The following RIMS1 variants were observed in gnomAD, a reference collection of about 807,000 sequenced individuals.
RIMS1 encodes the protein regulating synaptic membrane exocytosis 1, also known as regulating synaptic membrane exocytosis protein 1.
In RIMS1, 83 loss-of-function variants were observed where a neutral mutation model predicts 214.1. The ratio of observed to expected loss-of-function variants is 0.39; its 90% CI spans 0.32 to 0.47. The LOEUF (loss-of-function observed/expected upper bound fraction) is 0.47, where lower values mean the gene tolerates loss of function less well. Among genes scored for constraint, RIMS1 ranks in the 20% least tolerant of loss-of-function variants. The pLI is 0.99. For synonymous variants in RIMS1, 793 were observed against 786.8 expected, an observed-to-expected ratio of 1.01 and a Z score of -0.13; for missense variants, 2,050 against 2,161.8, an observed-to-expected ratio of 0.95 and a Z score of 1.03.
At chr6:71,889,916 G>A (rs1769088671) in intron 1 of RIMS1, among the ~76,000 whole-genome samples, 2 of 152,154 alleles carry the variant, frequency 1.3e-5, no homozygotes, top group Admixed American at 1.3e-4. Context: ...CAAAGCTTAA[G>A]TTCTGGCAAT....
At chr6:71,936,072 C>A (rs986796782) in intron 1 of RIMS1, among the ~76,000 whole-genome samples, 15 of 151,846 alleles carry the variant, frequency 9.9e-5, no homozygotes, top group African/African-American at 3.6e-4. Flanking sequence ...AGGTGTGGGC[C>A]GGGCGCGGTG....
chr6:72,255,665 C>T (rs762216770), intron 16 of RIMS1, among the ~76,000 whole-genome samples: 4 of 152,070 alleles, frequency 2.6e-5, no homozygotes, highest in Non-Finnish European at 5.9e-5. Context: ...AGGAATCTAG[C>T]AACTTCAACC....
At chr6:72,154,931 G>A (rs1278128025) in intron 4 of RIMS1, among the ~76,000 whole-genome samples, 1 of 140,454 alleles carries the variant, frequency 7.1e-6, no homozygotes, top group African/African-American at 2.5e-5. Flanking sequence ...ATGGTTGAGA[G>A]AGGCTGGGAG....
intron 4 of RIMS1, among the ~76,000 whole-genome samples, chr6:72,144,727 C>T (rs74587257): frequency 0.072 from 10,900 of 152,098 alleles, 447 homozygotes; most frequent in Middle Eastern, 0.099. Flanking sequence ...TAGTTTTTTA[C>T]ATTACCCATC....
intron 2 of RIMS1, among the ~76,000 whole-genome samples, chr6:72,075,258 C>T (rs1192471678): frequency 6.6e-6 from 1 of 151,820 alleles, no homozygotes; most frequent in Non-Finnish European, 1.5e-5. Flanking sequence ...ATTAAAAAAA[C>T]AAAACAAAAC....
chr6:71,998,331 A>T (rs1238580111), intron 2 of RIMS1, among the ~76,000 whole-genome samples: 1 of 152,090 alleles, frequency 6.6e-6, no homozygotes, highest in African/African-American at 2.4e-5. Context: ...TCCTTTGTTC[A>T]GAAGGAGCTT....
At chr6:71,943,605 C>T (rs1001822223) in intron 1 of RIMS1, among the ~76,000 whole-genome samples, 9 of 152,068 alleles carry the variant, frequency 5.9e-5, no homozygotes, top group South Asian at 2.1e-4. Flanking sequence ...ATCAAAGGAC[C>T]GGCTGTTAGT....
intron 1 of RIMS1, among the ~76,000 whole-genome samples, chr6:71,928,833 C>A (rs1031393063): frequency 6.6e-6 from 1 of 152,074 alleles, no homozygotes; most frequent in South Asian, 2.1e-4. Flanking sequence ...TAACATGCAG[C>A]CAGTGTTGAA....
At chr6:72,241,735 A>G (rs796251162) in intron 9 of RIMS1, among the ~76,000 whole-genome samples, 7 of 152,204 alleles carry the variant, frequency 4.6e-5, no homozygotes, top group Non-Finnish European at 1.0e-4. Flanking sequence ...TAATTTTGCC[A>G]TAGCTACCTG....
chr6:71,901,840 G>C (rs1228838386), intron 1 of RIMS1, among the ~76,000 whole-genome samples: 1 of 152,106 alleles, frequency 6.6e-6, no homozygotes, highest in Non-Finnish European at 1.5e-5. Flanking sequence ...AACTACGAAA[G>C]AGCTATTGTA....
chr6:72,175,509 C>A (rs1379220609), intron 4 of RIMS1: 1 of 181,262 alleles, frequency 5.5e-6, no homozygotes, highest in Non-Finnish European at 1.2e-5. Context: ...ACCGTCTCTA[C>A]TAAAAATACA....
chr6:72,118,892 C>A (rs1350216905), intron 4 of RIMS1, among the ~76,000 whole-genome samples: 2 of 151,588 alleles, frequency 1.3e-5, no homozygotes, highest in African/African-American at 2.4e-5. Context: ...AAGTTGAAAG[C>A]ATTTCCACTG....
chr6:72,036,509 C>A (rs1819658146), intron 2 of RIMS1, among the ~76,000 whole-genome samples: 1 of 152,166 alleles, frequency 6.6e-6, no homozygotes, highest in Admixed American at 6.5e-5. Flanking sequence ...CTGTTTGAAA[C>A]TTATACCAAA....
chr6:72,115,046 A>G (rs2036813794), intron 4 of RIMS1, among the ~76,000 whole-genome samples: 1 of 151,938 alleles, frequency 6.6e-6, no homozygotes, highest in South Asian at 2.1e-4. Context: ...AAACAGATAA[A>G]TTTTATTGTT....
At chr6:72,052,981 ATTT>A (rs1243383308) in intron 2 of RIMS1, among the ~76,000 whole-genome samples, 1 of 152,158 alleles carries the variant, frequency 6.6e-6, no homozygotes, top group Non-Finnish European at 1.5e-5. Context: ...GGTTAATCTT[ATTT>A]AACCCATTTA....
intron 6 of RIMS1, among the ~76,000 whole-genome samples, chr6:72,233,003 G>A (rs1477495546): frequency 6.6e-6 from 1 of 151,674 alleles, no homozygotes; most frequent in Non-Finnish European, 1.5e-5. Flanking sequence ...AAATTTAAAA[G>A]GGAATTATTC....
chr6:72,213,278 T>G lies in RIMS1; in HGVS notation c.1679-20495T>G. 1.1e-5 allele frequency: 15 copies of G among 1,390,386 alleles called. No individual in the cohort carries two copies. In the South Asian group the frequency reaches 2.1e-4, roughly 19 times the overall value. 86.1% of individuals were successfully genotyped at this position (1,390,386 alleles called of 1,614,324 possible). On this transcript the variant is annotated intron_variant, in intron 6 of 33. Transcript: ENST00000521978. ...ATTTTGTCCCAGTTGTACCTAAATCTATATTTAACACTCCCTCTGTATCTA... is the reference window on the plus strand; with the variant it reads ...ATTTTGTCCCAGTTGTACCTAAATCGATATTTAACACTCCCTCTGTATCTA...
At chr6:72,392,613 A>G in intron 30 of RIMS1, 85 bp from the exon 31 acceptor site, 1 of 913,004 alleles carries the variant, frequency 1.1e-6, no homozygotes, top group Non-Finnish European at 1.8e-6. Context: ...TTTCATGATC[A>G]TAATTAGTCA....
At chr6:72,297,027 G>C (rs2094161432) in intron 26 of RIMS1, among the ~76,000 whole-genome samples, 1 of 151,608 alleles carries the variant, frequency 6.6e-6, no homozygotes, top group South Asian at 2.1e-4. Context: ...GTATTACAAA[G>C]AGAACAGTTT....
Sources: gnomAD v4.1 joint callset for allele counts (sites outside exome capture counted in the v4.1 genomes callset) on GRCh38, gnomAD v4.1.1 for gene constraint, MANE v1.5 for transcripts, NCBI Gene and HGNC (gene_info 2026-07-23, HGNC 2026-07-21) for gene names.